The following CFL2 variants were observed in gnomAD, a reference collection of about 807,000 sequenced individuals.
The protein encoded by CFL2 is cofilin-2.
Under a neutral mutation model 19.6 loss-of-function variants are expected in CFL2, and 10 were observed. The observed-to-expected ratio is 0.51, with a 90% CI of 0.31 to 0.86. The LOEUF is 0.86. Ranked by LOEUF, CFL2 falls within the 40% of genes least tolerant of loss-of-function variation. CFL2 has a pLI of 0.04. For synonymous variants in CFL2, 63 were observed against 66.7 expected, an observed-to-expected ratio of 0.95 and a Z score of 0.27; for missense variants, 125 against 192.1, an observed-to-expected ratio of 0.65 and a Z score of 2.06.
chr14:34,711,650 G>A lies in CFL2; in HGVS notation c.*1215C>T, dbSNP rs369034252. The A allele has an allele frequency of 1.9e-4, 83 of 445,358 alleles. No homozygotes were observed. Among genetic ancestry groups the A allele is most frequent in the South Asian group, 1.3e-3 (83 of 61,832 alleles). 27.6% of individuals were successfully genotyped at this position (445,358 alleles called of 1,614,324 possible). ...TTCTACTATACAACTACTTAGAAAT[G>A]TAAATGTGAATAAAAAAATAACTAT... is the stretch of plus-strand genomic sequence containing the variant. On this transcript the variant is annotated 3_prime_UTR_variant, in exon 4 of 4. Coordinates refer to ENST00000298159, the MANE Select transcript of CFL2 (RefSeq NM_138638.5).
Position 34,712,185 on chromosome 14 carries a change from T to G in CFL2, c.*680A>C, listed in dbSNP as rs886623781. 1 of 454,416 alleles carries G rather than the reference T, an allele frequency of 2.2e-6. No individual in the cohort carries two copies. The highest frequency in any genetic ancestry group is 4.4e-6 in the Non-Finnish European group (1 of 226,802). 28.1% of individuals were successfully genotyped at this position (454,416 alleles called of 1,614,324 possible). ...ATGGTAAACATAAAACTCCTACACT[T>G]ATTCAGTAGTGTACACTCAATGGAA... On this transcript the variant is annotated 3_prime_UTR_variant, in exon 4 of 4. Coordinates refer to ENST00000298159, the MANE Select transcript of CFL2 (RefSeq NM_138638.5).
At position 34,711,774 on chromosome 14, in the gene CFL2, A is replaced by C; in HGVS notation, c.*1091T>G. On this transcript the variant is annotated 3_prime_UTR_variant, in exon 4 of 4. Coordinates refer to ENST00000298159, the MANE Select transcript of CFL2 (RefSeq NM_138638.5). ...TCATATTAACACATAGGAAATAAAT[A>C]CACTAATGTTTATAAAAGTACCATT... is the stretch of plus-strand genomic sequence containing the variant. 2.2e-6 allele frequency: 1 copy of C among 444,804 alleles called. No homozygotes were observed. The highest frequency in any genetic ancestry group is 4.5e-6 in the Non-Finnish European group (1 of 224,378). The allele number at this position is 444,804 out of a possible 1,614,324, so 27.6% of individuals were successfully genotyped here.
In CFL2 at chr14:34,712,657, G is replaced by T. The variant is rs1374797925; in HGVS notation, c.*208C>A. The T allele has an allele frequency of 4.5e-6, 3 of 671,356 alleles. No individual in the cohort carries two copies. The highest frequency in any genetic ancestry group is 8.2e-6 in the Non-Finnish European group (3 of 366,806). The allele number at this position is 671,356 out of a possible 1,614,324, so 41.6% of individuals were successfully genotyped here. A position where few individuals can be genotyped will look rare whatever the true frequency, so the allele number is the denominator to read the frequency against. On this transcript the variant is annotated 3_prime_UTR_variant, in exon 4 of 4. Transcript: ENST00000298159. The stretch of plus-strand genomic sequence containing the variant: ...AATATGACAGGAAGGCATTCCTTGG[G>T]TTCTATATAAAAGTAACAGTATTCA...
At chr14:34,714,374 A>C in intron 1 of CFL2, 164 bp downstream of exon 1, 1 of 1,192,504 alleles carries the variant, frequency 8.4e-7, no homozygotes, top group Non-Finnish European at 1.1e-6. Context: ...GCAGGGCCTG[A>C]CGGCCGGAGG....
In CFL2 at chr14:34,712,917, C is replaced by A; in HGVS notation, c.449G>T (p.Gly150Val). The A allele has an allele frequency of 6.2e-7, 1 of 1,611,966 alleles. No homozygotes were observed. The highest frequency in any genetic ancestry group is 8.5e-7 in the Non-Finnish European group (1 of 1,178,078). The change falls in exon 4 of 4, where the codon GGA (glycine) becomes GTA (valine). Residue 150 changes from glycine (G) to valine (V), a missense_variant. By Grantham distance (109) the Gly-to-Val change is moderately radical. Transcript: ENST00000298159. ...TACTACATTGCCTCCCAATTTCTCT[C>A]CAAGTGTCGAACGGTCCTTAATATC... ...LDDIKDRSTLGEKLGGNVVVS... is the reference protein window; with the variant it reads ...LDDIKDRSTLVEKLGGNVVVS...
At chr14:34,713,689 A>G in intron 1 of CFL2, 128 bp from the exon 2 acceptor site, 1 of 1,613,024 alleles carries the variant, frequency 6.2e-7, no homozygotes, top group Non-Finnish European at 8.5e-7. Flanking sequence ...AAGTCGTCCA[A>G]TCAGATTTGT....
At position 34,710,871 on chromosome 14, in the gene CFL2, TAACTC is replaced by T; in HGVS notation, c.*1989_*1993del. On this transcript the variant is annotated 3_prime_UTR_variant, in exon 4 of 4. Coordinates refer to ENST00000298159, the MANE Select transcript of CFL2 (RefSeq NM_138638.5). ...CTTATTTTTTAAAAGAATGAGGAAA[TAACTC>T]AATGAAAAATTCCATGGTGCCAAGT... 1 of 454,046 alleles carries T rather than the reference TAACTC, an allele frequency of 2.2e-6. No homozygotes were observed. Among genetic ancestry groups the T allele is most frequent in the South Asian group, 1.6e-5 (1 of 64,468 alleles). The allele number at this position is 454,046 out of a possible 1,614,324, so 28.1% of individuals were successfully genotyped here.
chr14:34,711,333 T>C lies in CFL2; in HGVS notation c.*1532A>G, dbSNP rs902455368. ...CAGTTTTGCCATTTGTGGATAACTA[T>C]GACAAGATACAAAAGCATGTGTTTG... On this transcript the variant is annotated 3_prime_UTR_variant, in exon 4 of 4. Transcript: ENST00000298159. 8 of 454,426 alleles carry C rather than the reference T, an allele frequency of 1.8e-5. No individual in the cohort carries two copies. The highest frequency in any genetic ancestry group is 1.4e-4 in the Admixed American group (6 of 42,550). 28.1% of individuals were successfully genotyped at this position (454,426 alleles called of 1,614,324 possible). A position where few individuals can be genotyped will look rare whatever the true frequency, so the allele number is the denominator to read the frequency against.
At chr14:34,713,977 C>T in intron 1 of CFL2, 1 of 661,562 alleles carries the variant, frequency 1.5e-6, no homozygotes, top group East Asian at 3.2e-5. Context: ...TAGCCACTGA[C>T]GTTTCCTCAT....
chr14:34,713,186 G>C (rs775357047), intron 2 of CFL2, 50 bp from the exon 3 acceptor site: 1 of 1,559,656 alleles, frequency 6.4e-7, no homozygotes, highest in Non-Finnish European at 8.7e-7. Flanking sequence ...AAAAACAAAG[G>C]TAAGACTGAC....
Position 34,713,368 on chromosome 14 carries a change from T to A in CFL2, c.197A>T (p.Asp66Val). The A allele has an allele frequency of 6.2e-7, 1 of 1,612,932 alleles. No individual in the cohort carries two copies. Among genetic ancestry groups the A allele is most frequent in the Non-Finnish European group, 8.5e-7 (1 of 1,178,968 alleles). The change falls in exon 2 of 4, where the codon GAC (aspartate) becomes GTC (valine). Residue 66 changes from aspartate (D) to valine (V), a missense_variant. Coordinates refer to ENST00000298159, the MANE Select transcript of CFL2 (RefSeq NM_138638.5). ...LVGDIGDTVE[D>V]PYTSFVKLLP... ...CAACTTCACAAAAGATGTGTAGGGG[T>A]CCTCTACAGTATCACCAATGTCACC...
Position 34,709,697 on chromosome 14 carries a change from A to C in CFL2, c.*3168T>G, listed in dbSNP as rs1054727265. 3 of 143,988 alleles carry C rather than the reference A, an allele frequency of 2.1e-5. No homozygotes were observed. Among genetic ancestry groups the C allele is most frequent in the African/African-American group, 7.7e-5 (3 of 39,044 alleles). 8.9% of individuals were successfully genotyped at this position (143,988 alleles called of 1,614,324 possible). The stretch of plus-strand genomic sequence containing the variant: ...CAGCTACTTGGGAGGCTGAGGTGGG[A>C]GGATCATCTGAGCTGGGAAGGTTGA... On this transcript the variant is annotated 3_prime_UTR_variant, in exon 4 of 4. Coordinates refer to ENST00000298159, the MANE Select transcript of CFL2 (RefSeq NM_138638.5).
chr14:34,709,869 T>A lies in CFL2; in HGVS notation c.*2996A>T, dbSNP rs1885228733. The A allele has an allele frequency of 6.7e-6, 1 of 148,244 alleles. No homozygotes were observed. Among genetic ancestry groups the A allele is most frequent in the African/African-American group, 2.5e-5 (1 of 39,914 alleles). 9.2% of individuals were successfully genotyped at this position (148,244 alleles called of 1,614,324 possible). On this transcript the variant is annotated 3_prime_UTR_variant, in exon 4 of 4. Transcript: ENST00000298159. ...AGCTTTAATACTATTCATAAAAAAATGAACATTCACGTTGTTTTGCATCTC... is the reference window on the plus strand; with the variant it reads ...AGCTTTAATACTATTCATAAAAAAAAGAACATTCACGTTGTTTTGCATCTC...
intron 1 of CFL2, chr14:34,714,332 T>C: frequency 1.3e-6 from 1 of 742,312 alleles, no homozygotes; most frequent in East Asian, 3.9e-5. Context: ...GCCCGGGCCC[T>C]CCCCGCCCCC....
Position 34,709,743 on chromosome 14 carries a change from T to C in CFL2, c.*3122A>G, listed in dbSNP as rs1161549044. The C allele has an allele frequency of 7.3e-6, 1 of 136,158 alleles. No individual in the cohort carries two copies. Among genetic ancestry groups the C allele is most frequent in the Non-Finnish European group, 1.5e-5 (1 of 65,948 alleles). The allele number at this position is 136,158 out of a possible 1,614,324, so 8.4% of individuals were successfully genotyped here. On this transcript the variant is annotated 3_prime_UTR_variant, in exon 4 of 4. Coordinates refer to ENST00000298159, the MANE Select transcript of CFL2 (RefSeq NM_138638.5). ...GTTGAGTTTGAAGTGAGCTGAAATTTTGACACTGCACTCCAGCCTGGGCAA... is the reference window on the plus strand; with the variant it reads ...GTTGAGTTTGAAGTGAGCTGAAATTCTGACACTGCACTCCAGCCTGGGCAA...
At position 34,711,182 on chromosome 14, in the gene CFL2, AT is replaced by A. The variant is rs746535137; in HGVS notation, c.*1682del. On this transcript the variant is annotated 3_prime_UTR_variant, in exon 4 of 4. Coordinates refer to ENST00000298159, the MANE Select transcript of CFL2 (RefSeq NM_138638.5). ...AATTACTTCCACACATTCAAAAAAA[AT>A]TTTTAAGGGATATTTTCTTTCCTGT... is the stretch of plus-strand genomic sequence containing the variant. 54 of 452,716 alleles carry A rather than the reference AT, an allele frequency of 1.2e-4. No homozygotes were observed. Among genetic ancestry groups the A allele is most frequent in the Non-Finnish European group, 1.8e-4 (40 of 226,222 alleles). The allele number at this position is 452,716 out of a possible 1,614,324, so 28.0% of individuals were successfully genotyped here.
chr14:34,714,426 A>T, intron 1 of CFL2, 112 bp downstream of exon 1: 1 of 1,444,276 alleles, frequency 6.9e-7, no homozygotes, highest in Non-Finnish European at 9.2e-7. Flanking sequence ...GCAGAGCAGA[A>T]GCGCCCACCT....
In CFL2 at chr14:34,713,332, T is replaced by C. The variant is rs1885381369; in HGVS notation, c.233A>G (p.Asn78Ser). The change falls in exon 2 of 4, where the codon AAT (asparagine) becomes AGT (serine). Residue 78 changes from asparagine to serine, a missense_variant. Asn to Ser is a conservative substitution (Grantham distance 46). Coordinates refer to ENST00000298159, the MANE Select transcript of CFL2 (RefSeq NM_138638.5). ...YTSFVKLLPL[N>S]DCRYALYDAT... ...ATCGTACAAAGCATATCGGCAATCA[T>C]TCAGAGGTAGCAACTTCACAAAAGA... is the stretch of plus-strand genomic sequence containing the variant. 1 of 1,614,132 alleles carries C rather than the reference T, an allele frequency of 6.2e-7. No homozygotes were observed. The highest frequency in any genetic ancestry group is 8.5e-7 in the Non-Finnish European group (1 of 1,179,984).
rs1885338308 is a variant in CFL2 at position 34,712,561 on chromosome 14, A to G, written c.*304T>C. The G allele has an allele frequency of 1.9e-6, 1 of 516,710 alleles. No homozygotes were observed. The highest frequency in any genetic ancestry group is 1.9e-5 in the African/African-American group (1 of 52,612). The allele number at this position is 516,710 out of a possible 1,614,324, so 32.0% of individuals were successfully genotyped here. A position where few individuals can be genotyped will look rare whatever the true frequency, so the allele number is the denominator to read the frequency against. On this transcript the variant is annotated 3_prime_UTR_variant, in exon 4 of 4. Transcript: ENST00000298159. ...CTTATCCTTTGCAGTATTCTAAGCT[A>G]TTCACATTGACGATCACATACATTG...
Sources: gnomAD v4.1 joint callset for allele counts on GRCh38, gnomAD v4.1.1 for gene constraint, MANE v1.5 for transcripts, NCBI Gene and HGNC (gene_info 2026-07-23, HGNC 2026-07-21) for gene names.